The following ZPLD1 variants were observed in gnomAD, a reference collection of about 807,000 sequenced individuals.
ZPLD1 encodes zona pellucida like domain containing 1, also known as zona pellucida-like domain-containing protein 1.
A neutral mutation model predicts 47.2 loss-of-function variants in ZPLD1; 34 were observed. The observed-to-expected ratio is 0.72, with a 90% confidence interval of 0.55 to 0.96. The LOEUF is 0.96. ZPLD1 is among the 40% of genes least tolerant of loss of function. ZPLD1 has a pLI of 0.00. For missense variants in ZPLD1, 512 were observed against 505.8 expected (o/e 1.01, Z -0.12); for synonymous variants, 176 against 186.2 (o/e 0.95, Z 0.45).
chr3:102,421,166 A>G (rs1182154708), intron 8 of ZPLD1, among the ~76,000 whole-genome samples: 1 of 151,954 alleles, frequency 6.6e-6, no homozygotes, highest in African/African-American at 2.4e-5. Flanking sequence ...TTAAAGTATT[A>G]TATTTGCTCA....
upstream of ZPLD1, chr3:102,434,984 A>G: frequency 1.0e-6 from 1 of 973,854 alleles, no homozygotes; most frequent in Admixed American, 2.1e-5. Flanking sequence ...AGGGAGCCTG[A>G]GCAGCCAGGA....
At chr3:102,441,821 C>A (rs921193706) in intron 3 of ZPLD1, among the ~76,000 whole-genome samples, 2 of 152,136 alleles carry the variant, frequency 1.3e-5, no homozygotes, top group African/African-American at 4.8e-5. Flanking sequence ...ACATATGAAT[C>A]CTCACTTTAC....
chr3:102,417,341 C>T (rs1281514835), intron 7 of ZPLD1, among the ~76,000 whole-genome samples: 1 of 152,120 alleles, frequency 6.6e-6, no homozygotes, highest in South Asian at 2.1e-4. Flanking sequence ...TACTTCACTA[C>T]GGCCAAAACA....
At chr3:102,428,306 T>A (rs1285448999) in intron 8 of ZPLD1, among the ~76,000 whole-genome samples, 2 of 152,202 alleles carry the variant, frequency 1.3e-5, no homozygotes, top group African/African-American at 4.8e-5. Context: ...GCATCTAACA[T>A]GGCTTCTGAA....
upstream of ZPLD1, among the ~76,000 whole-genome samples, chr3:102,434,169 G>T (rs897881669): frequency 1.3e-5 from 2 of 152,092 alleles, no homozygotes; most frequent in Non-Finnish European, 1.5e-5. Flanking sequence ...TTAAATCTAT[G>T]TAATTAGTTG....
chr3:102,472,478 A>G (rs1272301691), intron 10 of ZPLD1, among the ~76,000 whole-genome samples: 1 of 150,964 alleles, frequency 6.6e-6, no homozygotes, highest in Non-Finnish European at 1.5e-5. Flanking sequence ...GTTGCAGTGA[A>G]CCGAGATTGT....
chr3:102,470,334 G>A (rs1235982694), intron 9 of ZPLD1, 60 bp from the exon 10 acceptor site: 3 of 1,300,426 alleles, frequency 2.3e-6, no homozygotes, highest in Non-Finnish European at 3.3e-6. Flanking sequence ...TTTCCAAATG[G>A]CCATAAAGAA....
At chr3:102,456,110 G>T in intron 4 of ZPLD1, 83 bp from the exon 5 acceptor site, 2 of 1,139,376 alleles carry the variant, frequency 1.8e-6, no homozygotes, top group Non-Finnish European at 1.2e-6. Flanking sequence ...AATAGATTTT[G>T]CTTAATGTTT....
At chr3:102,453,969 T>C (rs1211215298) in intron 4 of ZPLD1, among the ~76,000 whole-genome samples, 1 of 152,232 alleles carries the variant, frequency 6.6e-6, no homozygotes, top group African/African-American at 2.4e-5. Context: ...TTTATTTTGC[T>C]TATTTAAATA....
chr3:102,413,047 A>G (rs11926310), intron 7 of ZPLD1, among the ~76,000 whole-genome samples: 10,570 of 151,802 alleles, frequency 0.07, 543 homozygotes, highest in African/African-American at 0.15. Context: ...GCAGAGCTAG[A>G]ATAGAAACTG....
chr3:102,458,047 A>G (rs577397615), intron 6 of ZPLD1, among the ~76,000 whole-genome samples, 194 bp downstream of exon 6: 86 of 152,300 alleles, frequency 5.6e-4, no homozygotes, highest in African/African-American at 1.9e-3. Context: ...TAAATTTTCT[A>G]AAAGTTGATA....
chr3:102,449,220 A>C (rs1183024731), intron 3 of ZPLD1, among the ~76,000 whole-genome samples: 1 of 152,170 alleles, frequency 6.6e-6, no homozygotes, highest in African/African-American at 2.4e-5. Context: ...ATACTTCAAG[A>C]CTGAGCTAAT....
At chr3:102,427,519 G>A (rs564346573) in intron 8 of ZPLD1, among the ~76,000 whole-genome samples, 4 of 152,184 alleles carry the variant, frequency 2.6e-5, no homozygotes, top group Non-Finnish European at 5.9e-5. Flanking sequence ...CCTACATTCT[G>A]ATAAAGGAGG....
At chr3:102,409,846 G>T (rs1177381916) in intron 7 of ZPLD1, among the ~76,000 whole-genome samples, 2 of 151,792 alleles carry the variant, frequency 1.3e-5, no homozygotes, top group African/African-American at 2.4e-5. Flanking sequence ...AAATAAACTT[G>T]CAGGATCACA....
intron 3 of ZPLD1, among the ~76,000 whole-genome samples, chr3:102,442,452 C>A (rs1707195368): frequency 6.6e-6 from 1 of 151,842 alleles, no homozygotes; most frequent in Non-Finnish European, 1.5e-5. Flanking sequence ...ACGCTGAAGT[C>A]CCGGGAGAGA....
chr3:102,463,154 A>C (rs1318027944), intron 7 of ZPLD1, among the ~76,000 whole-genome samples: 1 of 152,106 alleles, frequency 6.6e-6, no homozygotes, highest in Non-Finnish European at 1.5e-5. Flanking sequence ...TTTTTTTATA[A>C]CATCGGAGTT....
chr3:102,397,571 C>T (rs1244288472), intron 7 of ZPLD1, among the ~76,000 whole-genome samples: 1 of 151,956 alleles, frequency 6.6e-6, no homozygotes, highest in Non-Finnish European at 1.5e-5. Flanking sequence ...AAATTAAAGC[C>T]TTAAATTTTG....
chr3:102,459,171 A>ATTCACTT (rs1030042846), intron 6 of ZPLD1, among the ~76,000 whole-genome samples: 6 of 150,176 alleles, frequency 4.0e-5, no homozygotes, highest in Non-Finnish European at 7.4e-5. Context: ...GTGTGCCAGT[A>ATTCACTT]TTCACTTTTG....
chr3:102,436,802 C>A, intron 1 of ZPLD1, 58 bp from the exon 2 acceptor site: 1 of 747,190 alleles, frequency 1.3e-6, no homozygotes, highest in Non-Finnish European at 1.6e-6. Context: ...AGCTAGAAAG[C>A]ATTTCAGAAC....
Sources: gnomAD v4.1 joint callset for allele counts (sites outside exome capture counted in the v4.1 genomes callset) on GRCh38, gnomAD v4.1.1 for gene constraint, MANE v1.5 for transcripts, NCBI Gene and HGNC (gene_info 2026-07-23, HGNC 2026-07-21) for gene names.